Variants in C1orf87 observed in about 807,000 individuals in gnomAD.
C1orf87 encodes the protein uncharacterized protein C1orf87.
C1orf87 carries 58 observed loss-of-function variants against 60.5 expected under a neutral mutation model. The observed-to-expected ratio is 0.96, with a 90% CI of 0.78 to 1.19. The LOEUF (loss-of-function observed/expected upper bound fraction) is 1.19. Among genes scored for constraint, C1orf87 ranks in the 50% most tolerant of loss-of-function variants. The pLI, the probability that C1orf87 is intolerant of heterozygous loss-of-function variation, is 0.00. For synonymous variants in C1orf87, 236 were observed against 227.4 expected (o/e 1.04, Z -0.34); for missense variants, 673 against 638.6 (o/e 1.05, Z -0.58).
chr1:60,043,819 T>C (rs1645345668), intron 3 of C1orf87, among the ~76,000 whole-genome samples: 1 of 152,228 alleles, frequency 6.6e-6, no homozygotes, highest in Non-Finnish European at 1.5e-5. Flanking sequence ...TATGTGTTTC[T>C]ATGATAGTGT....
intron 8 of C1orf87, among the ~76,000 whole-genome samples, chr1:60,017,014 G>T (rs1431962995): frequency 6.6e-6 from 1 of 152,144 alleles, no homozygotes; most frequent in Non-Finnish European, 1.5e-5. Flanking sequence ...CAAGACTGAA[G>T]GTAGAGAACC....
chr1:60,005,058 C>A (rs573199467), intron 9 of C1orf87, among the ~76,000 whole-genome samples: 1 of 152,088 alleles, frequency 6.6e-6, no homozygotes, highest in Admixed American at 6.6e-5. Flanking sequence ...GGATAGAGAA[C>A]AACTGACTTT....
chr1:60,024,041 T>C (rs1453019505), intron 8 of C1orf87, among the ~76,000 whole-genome samples: 3 of 152,198 alleles, frequency 2.0e-5, no homozygotes, highest in Non-Finnish European at 2.9e-5. Context: ...GAAGTGTATT[T>C]ATAAGTGTTC....
rs189181726 is a variant in C1orf87, at chr1:60,015,580, T to C, written c.1128-5124A>G. On this transcript the variant is annotated intron_variant, in intron 8 of 11. Coordinates refer to ENST00000371201, the MANE Select transcript of C1orf87 (RefSeq NM_152377.3). ...TAGTTTATTCTGAGGCCTATTTCCT[T>C]GGCTTGCAGATGGCCACTTTCTTGC... Among the ~76,000 whole-genome samples, 9 of 152,290 alleles carry C rather than the reference T, an allele frequency of 5.9e-5. No individual in the cohort carries two copies. In the East Asian group the frequency reaches 1.7e-3, roughly 29 times the overall value.
intron 2 of C1orf87, among the ~76,000 whole-genome samples, chr1:60,059,883 G>A (rs546844291): frequency 6.6e-6 from 1 of 152,288 alleles, no homozygotes; most frequent in South Asian, 2.1e-4. Context: ...GTAAATGAAA[G>A]CATGTTCTTA....
chr1:60,044,680 G>T (rs1349437220), intron 3 of C1orf87, among the ~76,000 whole-genome samples: 1 of 152,114 alleles, frequency 6.6e-6, no homozygotes, highest in Non-Finnish European at 1.5e-5. Flanking sequence ...GTCACCTGGG[G>T]CTGTCATTTT....
intron 3 of C1orf87, among the ~76,000 whole-genome samples, chr1:60,047,077 C>A (rs762950545): frequency 3.9e-5 from 6 of 152,092 alleles, no homozygotes; most frequent in Non-Finnish European, 5.9e-5. Flanking sequence ...TTCATTAGGG[C>A]TTTGCAAAAT....
chr1:60,057,619 G>C (rs931253641), intron 2 of C1orf87, among the ~76,000 whole-genome samples: 1 of 152,166 alleles, frequency 6.6e-6, no homozygotes. Flanking sequence ...GGAAACCTCA[G>C]GGTTAAGGTT....
chr1:59,991,247 A>G (rs1463593901), intron 11 of C1orf87, among the ~76,000 whole-genome samples: 1 of 152,184 alleles, frequency 6.6e-6, no homozygotes, highest in Non-Finnish European at 1.5e-5. Flanking sequence ...GGGATTAAAC[A>G]GCTTATTTTC....
intron 8 of C1orf87, 35 bp downstream of exon 8, chr1:60,025,366 T>C (rs1217336234): frequency 6.6e-7 from 1 of 1,521,282 alleles, no homozygotes; most frequent in East Asian, 2.3e-5. Flanking sequence ...GGGTGGTGGA[T>C]ACAAACATTC....
chr1:59,995,025 G>T (rs564925712), intron 11 of C1orf87, among the ~76,000 whole-genome samples: 1 of 152,130 alleles, frequency 6.6e-6, no homozygotes, highest in African/African-American at 2.4e-5. Flanking sequence ...TGAATTTCAT[G>T]GAAACAGAGA....
At chr1:60,003,547 TA>T (rs1382207492) in intron 9 of C1orf87, among the ~76,000 whole-genome samples, 4 of 152,112 alleles carry the variant, frequency 2.6e-5, no homozygotes, top group African/African-American at 9.7e-5. Flanking sequence ...GAATGTTAAC[TA>T]ATAGTGTTAT....
chr1:60,015,582 G>T (rs1266365706), intron 8 of C1orf87, among the ~76,000 whole-genome samples: 1 of 152,084 alleles, frequency 6.6e-6, no homozygotes, highest in Admixed American at 6.5e-5. Flanking sequence ...TATTTCCTTG[G>T]CTTGCAGATG....
chr1:60,055,354 GTC>G lies in C1orf87; in HGVS notation c.190_191del (p.Asp64HisfsTer6). 1 of 1,614,154 alleles carries G rather than the reference GTC, an allele frequency of 6.2e-7. No homozygotes were observed. The highest frequency in any genetic ancestry group is 8.5e-7 in the Non-Finnish European group (1 of 1,180,010). ...CAGTGAAGTTAATGGGAACTGGGGT[GTC>G]TCTGCTCATCTGCCTTGCATTATCA... ...MTDNARQMSR[D>X]TPVPINFTDQ... On this transcript the variant is annotated frameshift_variant, in exon 3 of 12. Transcript: ENST00000371201. LOFTEE classifies it high-confidence loss of function.
chr1:60,055,463 T>C, intron 2 of C1orf87, 25 bp from the exon 3 acceptor site: 1 of 1,603,028 alleles, frequency 6.2e-7, no homozygotes, highest in Non-Finnish European at 8.5e-7. Context: ...TTGTATACTT[T>C]GTTACTTACA....
intron 3 of C1orf87, among the ~76,000 whole-genome samples, chr1:60,054,532 C>A (rs1305951968): frequency 6.6e-6 from 1 of 152,210 alleles, no homozygotes; most frequent in Non-Finnish European, 1.5e-5. Flanking sequence ...TGCTTGGCAG[C>A]ATTGCAAAAC....
At chr1:60,071,896 A>G (rs191275534) in intron 2 of C1orf87, among the ~76,000 whole-genome samples, 1 of 152,332 alleles carries the variant, frequency 6.6e-6, no homozygotes, top group Admixed American at 6.5e-5. Context: ...AACGCCTACT[A>G]TATGAAAGAC....
chr1:60,033,806 A>T (rs950649142), intron 6 of C1orf87, among the ~76,000 whole-genome samples, 165 bp from the exon 7 acceptor site: 3 of 152,190 alleles, frequency 2.0e-5, no homozygotes, highest in Non-Finnish European at 4.4e-5. Flanking sequence ...CCGCATGCAG[A>T]CATTTCATAG....
Position 60,001,132 on chromosome 1 carries a change from G to T in C1orf87, c.1217C>A (p.Ala406Asp), listed in dbSNP as rs766672423. 2.5e-6 allele frequency: 4 copies of T among 1,591,376 alleles called. No homozygotes were observed. The highest frequency in any genetic ancestry group is 3.4e-6 in the Non-Finnish European group (4 of 1,172,428). The change falls in exon 10 of 12, where the codon GCC becomes GAC. Residue 406 changes from alanine (A) to aspartate (D), a missense_variant. Transcript: ENST00000371201. ...GGGGACTTCAGGCTCCATTGGAGGG[G>T]CAGGGGCTTTCTTTTCATTCTTCCC... ...PTGKNEKKAP[A>D]PPMEPEVPEM...
Sources: gnomAD v4.1 joint callset for allele counts (sites outside exome capture counted in the v4.1 genomes callset) on GRCh38, gnomAD v4.1.1 for gene constraint, MANE v1.5 for transcripts, NCBI Gene and HGNC (gene_info 2026-07-23, HGNC 2026-07-21) for gene names.